ACO1: variants seen among roughly 807,000 people sequenced by gnomAD.
The protein encoded by ACO1 is aconitase 1.
In ACO1, 78 loss-of-function variants were observed where a neutral mutation model predicts 105.1. The ratio of observed to expected loss-of-function variants is 0.74; its 90% CI spans 0.62 to 0.90. The LOEUF (loss-of-function observed/expected upper bound fraction) is 0.90, where lower values mean the gene tolerates loss of function less well. Among genes scored for constraint, ACO1 ranks in the 40% least tolerant of loss-of-function variants. The pLI, the probability that ACO1 is intolerant of heterozygous loss-of-function variation, is 0.00. For missense variants in ACO1, 965 were observed against 1,111.1 expected, an observed-to-expected ratio of 0.87 and a Z score of 1.87; for synonymous variants, 364 against 397.4, an observed-to-expected ratio of 0.92 and a Z score of 1.00.
rs985291318 is a variant in ACO1 at position 32,421,335 on chromosome 9, T to C, written c.970+308T>C. 3.9e-5 allele frequency among the ~76,000 whole-genome samples: 6 copies of C among 152,316 alleles called. No homozygotes were observed. In the South Asian group the frequency reaches 1.2e-3, roughly 32 times the overall value. ...ATGGTTACTGCTGCCTATGGGGTAC[T>C]TGCTGTGTACCAGGTACCTAGTATG... On this transcript the variant is annotated intron_variant, in intron 8 of 20. Transcript: ENST00000309951.
intron 2 of ACO1, among the ~76,000 whole-genome samples, chr9:32,406,093 TAAAC>T (rs566348896): frequency 6.5e-4 from 99 of 152,358 alleles, no homozygotes; most frequent in African/African-American, 2.2e-3. Context: ...TTTTTATAAA[TAAAC>T]AAAATCATTT....
chr9:32,413,314 T>A (rs1158752296), intron 4 of ACO1, among the ~76,000 whole-genome samples: 3 of 151,912 alleles, frequency 2.0e-5, no homozygotes, highest in Non-Finnish European at 2.9e-5. Context: ...TAAAACCATG[T>A]CTCTACTAAA....
chr9:32,433,652 GTA>G (rs1004802496), intron 15 of ACO1, 74 bp from the exon 16 acceptor site: 2 of 1,089,692 alleles, frequency 1.8e-6, no homozygotes, highest in Admixed American at 2.2e-5. Flanking sequence ...TAGCTTGAAT[GTA>G]TGTTTTGTGT....
chr9:32,431,957 T>C, intron 15 of ACO1, 114 bp downstream of exon 15: 2 of 1,257,416 alleles, frequency 1.6e-6, no homozygotes, highest in Non-Finnish European at 1.1e-6. Flanking sequence ...TAAAGTAACA[T>C]TTATTTCTTC....
At chr9:32,414,443 C>G (rs1188628640) in intron 4 of ACO1, among the ~76,000 whole-genome samples, 1 of 152,182 alleles carries the variant, frequency 6.6e-6, no homozygotes, top group Non-Finnish European at 1.5e-5. Context: ...TAGAACTAGG[C>G]TAATTGAGCC....
Position 32,454,201 on chromosome 9 carries a change from C to CTGTT in ACO1, c.*4093_*4096dup, listed in dbSNP as rs1318020789. The CTGTT allele has an allele frequency of 2.0e-5, 3 of 152,256 alleles. No homozygotes were observed. Among genetic ancestry groups the CTGTT allele is most frequent in the Non-Finnish European group, 2.9e-5 (2 of 68,078 alleles). 9.4% of individuals were successfully genotyped at this position (152,256 alleles called of 1,614,324 possible). A position where few individuals can be genotyped will look rare whatever the true frequency, so the allele number is the denominator to read the frequency against. On this transcript the variant is annotated 3_prime_UTR_variant, in exon 21 of 21. Coordinates refer to ENST00000309951, the MANE Select transcript of ACO1 (RefSeq NM_002197.3). ...CAAGAACAATGTGTGCTGTAAATCA[C>CTGTT]TGTTTGCAGGGAAGGTGGCAGCAAA...
At chr9:32,435,925 C>T in intron 17 of ACO1, 1 of 446,784 alleles carries the variant, frequency 2.2e-6, no homozygotes, top group Non-Finnish European at 4.3e-6. Flanking sequence ...AGCTCTTTAT[C>T]TTATATGAAG....
At position 32,410,205 on chromosome 9, in the gene ACO1, G is replaced by A. The variant is rs150438975; in HGVS notation, c.404+1554G>A. ...AGTCTTTTGTAAGATACACAAAAAG[G>A]CATAGAAAATAGTAGAATCTAAGAG... is the stretch of plus-strand genomic sequence containing the variant. On this transcript the variant is annotated intron_variant, in intron 4 of 20. Coordinates refer to ENST00000309951, the MANE Select transcript of ACO1 (RefSeq NM_002197.3). Among the ~76,000 whole-genome samples, 470 of 152,264 alleles carry A rather than the reference G, an allele frequency of 3.1e-3. 4 individuals carry two copies. Among genetic ancestry groups the A allele is most frequent in the African/African-American group, 0.01 (423 of 41,552 alleles).
intron 1 of ACO1, among the ~76,000 whole-genome samples, chr9:32,388,366 C>T (rs576142523): frequency 6.6e-6 from 1 of 152,036 alleles, no homozygotes; most frequent in African/African-American, 2.4e-5. Flanking sequence ...CCATCTCTAC[C>T]AAAAATACAG....
chr9:32,416,017 C>G (rs1821839345), intron 4 of ACO1, among the ~76,000 whole-genome samples: 1 of 152,032 alleles, frequency 6.6e-6, no homozygotes, highest in Non-Finnish European at 1.5e-5. Context: ...TTGATCCTAC[C>G]TATTAAAGCA....
At chr9:32,444,040 A>G (rs919736027) in intron 19 of ACO1, among the ~76,000 whole-genome samples, 2 of 136,372 alleles carry the variant, frequency 1.5e-5, no homozygotes, top group Non-Finnish European at 1.6e-5. Flanking sequence ...CTCATTGTTC[A>G]ACTCCCACTT....
intron 1 of ACO1, among the ~76,000 whole-genome samples, chr9:32,403,643 A>C (rs191122046): frequency 6.6e-6 from 1 of 152,212 alleles, no homozygotes. Context: ...TAATAAGTAC[A>C]AGTTAACAAC....
intron 8 of ACO1, among the ~76,000 whole-genome samples, chr9:32,421,981 A>G (rs900225789): frequency 6.6e-6 from 1 of 152,228 alleles, no homozygotes; most frequent in Non-Finnish European, 1.5e-5. Flanking sequence ...AAGTTTATTT[A>G]AAGAAGTTTT....
At chr9:32,436,078 C>T (rs1171668686) in intron 17 of ACO1, 172 bp from the exon 18 acceptor site, 10 of 825,492 alleles carry the variant, frequency 1.2e-5, no homozygotes, top group Admixed American at 4.0e-5. Flanking sequence ...CTCTCTTCTC[C>T]GTTGAAGCTT....
Position 32,448,857 on chromosome 9 carries a change from G to T in ACO1, c.2371-39G>T, listed in dbSNP as rs58115432. The T allele has an allele frequency of 4.1e-3, 6,548 of 1,611,540 alleles. 241 individuals are homozygous for T. In the African/African-American group the frequency reaches 0.075, roughly 18 times the overall value. On this transcript the variant is annotated intron_variant, in intron 19 of 20. Coordinates refer to ENST00000309951, the MANE Select transcript of ACO1 (RefSeq NM_002197.3). ...TGTAAACCTGTGTATCCAAAGAAAAGATTGGAAGTATGTCTAAACTACTGT... is the reference window on the plus strand; with the variant it reads ...TGTAAACCTGTGTATCCAAAGAAAATATTGGAAGTATGTCTAAACTACTGT...
chr9:32,429,587 G>T (rs1257334349), intron 13 of ACO1, 84 bp downstream of exon 13: 3 of 1,184,568 alleles, frequency 2.5e-6, no homozygotes, highest in South Asian at 2.6e-5. Context: ...TTTCAAGAAG[G>T]TCCATGGAAG....
chr9:32,425,720 G>C, intron 10 of ACO1, 118 bp from the exon 11 acceptor site: 2 of 631,288 alleles, frequency 3.2e-6, no homozygotes, highest in Admixed American at 7.5e-5. Context: ...AGTTACCAAA[G>C]TATTCCTTCT....
At chr9:32,440,321 A>G in intron 18 of ACO1, 144 bp from the exon 19 acceptor site, 2 of 810,184 alleles carry the variant, frequency 2.5e-6, no homozygotes, top group Non-Finnish European at 3.9e-6. Flanking sequence ...AAAGATCAAG[A>G]TAATTGGGAA....
At chr9:32,415,424 A>G (rs978815859) in intron 4 of ACO1, among the ~76,000 whole-genome samples, 11 of 152,198 alleles carry the variant, frequency 7.2e-5, no homozygotes, top group Non-Finnish European at 1.3e-4. Flanking sequence ...CTCATTAGAT[A>G]TGGACAGACA....
Sources: gnomAD v4.1 joint callset for allele counts (sites outside exome capture counted in the v4.1 genomes callset) on GRCh38, gnomAD v4.1.1 for gene constraint, MANE v1.5 for transcripts, NCBI Gene and HGNC (gene_info 2026-07-23, HGNC 2026-07-21) for gene names.